RASEF: variants seen among roughly 807,000 people sequenced by gnomAD.
RASEF encodes ras and EF-hand domain-containing protein.
Under a neutral mutation model 90.1 loss-of-function variants are expected in RASEF, and 68 were observed. The ratio of observed to expected loss-of-function variants is 0.75; its 90% CI spans 0.62 to 0.92. The LOEUF is 0.92. RASEF is among the 40% of genes least tolerant of loss of function. The probability of loss-of-function intolerance (pLI) is 0.00; values close to 1 mark genes in which losing one functional copy is unlikely to be tolerated. For synonymous variants in RASEF, 331 were observed against 345.2 expected (o/e 0.96, Z 0.46); for missense variants, 949 against 937.2 (o/e 1.01, Z -0.16).
chr9:83,116,950 G>A, the RASEF span, among the ~76,000 whole-genome samples: 1 of 152,072 alleles, frequency 6.6e-6, no homozygotes, highest in Non-Finnish European at 1.5e-5. Context: ...AAAGTCTAAG[G>A]CATCAAACTA....
At chr9:83,083,588 T>C in the RASEF span, among the ~76,000 whole-genome samples, 4 of 152,052 alleles carry the variant, frequency 2.6e-5, no homozygotes, top group African/African-American at 7.2e-5. Flanking sequence ...AACCCACATA[T>C]AGACACACAC....
rs1053867314 is a variant in RASEF at position 82,982,611 on chromosome 9, C to T, written c.*66G>A. 3.5e-5 allele frequency: 32 copies of T among 920,422 alleles called. No individual in the cohort carries two copies. In the African/African-American group the frequency reaches 5.0e-4, roughly 15 times the overall value. The allele number at this position is 920,422 out of a possible 1,614,324, so 57.0% of individuals were successfully genotyped here. On this transcript the variant is annotated 3_prime_UTR_variant, in exon 17 of 17. Transcript: ENST00000376447. ...GTAGGATGTGCCACTCTGTTAAGAG[C>T]CAAATAAGTCACACAAATTCAGTAT... is the stretch of plus-strand genomic sequence containing the variant.
At chr9:83,112,853 A>G in the RASEF span, among the ~76,000 whole-genome samples, 5 of 152,264 alleles carry the variant, frequency 3.3e-5, no homozygotes, top group East Asian at 7.7e-4. Flanking sequence ...TAATTTCCAC[A>G]CATAGAGAAA....
chr9:82,979,746 T>C lies in RASEF; in HGVS notation c.*2931A>G, dbSNP rs1052815964. The C allele has an allele frequency of 1.3e-5, 2 of 152,140 alleles. No individual in the cohort carries two copies. The highest frequency in any genetic ancestry group is 4.8e-5 in the African/African-American group (2 of 41,424). The allele number at this position is 152,140 out of a possible 1,614,324, so 9.4% of individuals were successfully genotyped here. ...CGAAATATGGCCCACACAATGAAAA[T>C]GTAAACCATATAAATCAAAATCATA... is the stretch of plus-strand genomic sequence containing the variant. On this transcript the variant is annotated 3_prime_UTR_variant, in exon 17 of 17. Coordinates refer to ENST00000376447, the MANE Select transcript of RASEF (RefSeq NM_152573.4).
At chr9:83,146,651 T>G in the RASEF span, among the ~76,000 whole-genome samples, 1 of 152,204 alleles carries the variant, frequency 6.6e-6, no homozygotes, top group Non-Finnish European at 1.5e-5. Flanking sequence ...ACCGAAATTT[T>G]CAAACTAAAT....
chr9:83,122,265 C>T, the RASEF span, among the ~76,000 whole-genome samples: 6 of 152,210 alleles, frequency 3.9e-5, no homozygotes, highest in Admixed American at 3.3e-4. Flanking sequence ...TGCAGCTTTT[C>T]ACGTTCAACT....
At chr9:83,092,181 G>A in the RASEF span, among the ~76,000 whole-genome samples, 1 of 151,654 alleles carries the variant, frequency 6.6e-6, no homozygotes, top group Non-Finnish European at 1.5e-5. Context: ...CATTTTCACT[G>A]ACCAATCTTG....
At position 83,001,129 on chromosome 9, in the gene RASEF, A is replaced by C; in HGVS notation, c.1204T>G (p.Ser402Ala). 6.2e-7 allele frequency: 1 copy of C among 1,609,790 alleles called. No homozygotes were observed. Among genetic ancestry groups the C allele is most frequent in the Non-Finnish European group, 8.5e-7 (1 of 1,176,370 alleles). The part of the protein sequence containing the change: ...HSPQPLGYDR[S>A]SRSSYVDEDC... ...TCATCCACATAGGAAGAGCGGGATGACCTGGTAATAAAGGGGAAGACCAAT... is the reference window on the plus strand; with the variant it reads ...TCATCCACATAGGAAGAGCGGGATGCCCTGGTAATAAAGGGGAAGACCAAT... The change falls in exon 10 of 17, where the codon TCA becomes GCA. Residue 402 changes from serine (S) to alanine (A), a missense_variant and splice_region_variant. Ser to Ala is a moderately conservative substitution (Grantham distance 99, BLOSUM62 1). Coordinates refer to ENST00000376447, the MANE Select transcript of RASEF (RefSeq NM_152573.4).
rs1483481135 is a variant in RASEF at position 82,986,105 on chromosome 9, AAG to A, written c.2118-3325_2118-3324del. ...ATTAGACAGACAGAGAGTGAAAAGA[AAG>A]AGAGGACAGTCAGAGACCCTGAGAT... On this transcript the variant is annotated intron_variant, in intron 16 of 16. Transcript: ENST00000376447. Among the ~76,000 whole-genome samples the A allele has an allele frequency of 2.6e-5, 4 of 152,354 alleles. No homozygotes were observed. In the East Asian group the frequency reaches 7.7e-4, roughly 29 times the overall value.
chr9:83,165,588 G>A, the RASEF span, among the ~76,000 whole-genome samples: 1 of 151,990 alleles, frequency 6.6e-6, no homozygotes, highest in Non-Finnish European at 1.5e-5. Context: ...CCCATCTTAG[G>A]AAACCAGACA....
chr9:83,196,965 C>T, the RASEF span, among the ~76,000 whole-genome samples: 176 of 152,324 alleles, frequency 1.2e-3, no homozygotes, highest in African/African-American at 4.0e-3. Context: ...ACATATGGTT[C>T]CCTAAACAGA....
chr9:83,108,227 A>G, the RASEF span, among the ~76,000 whole-genome samples: 1 of 152,168 alleles, frequency 6.6e-6, no homozygotes, highest in African/African-American at 2.4e-5. Flanking sequence ...CCCCTTGTGA[A>G]TTATACCTCA....
At chr9:83,128,065 T>C in the RASEF span, among the ~76,000 whole-genome samples, 1 of 149,766 alleles carries the variant, frequency 6.7e-6, no homozygotes, top group Admixed American at 6.7e-5. Flanking sequence ...ATTTGAATGA[T>C]ATCCAACTTC....
At chr9:83,176,011 A>C in the RASEF span, among the ~76,000 whole-genome samples, 1 of 152,158 alleles carries the variant, frequency 6.6e-6, no homozygotes, top group Non-Finnish European at 1.5e-5. Flanking sequence ...TGTTCTATAG[A>C]TGTACGTTAG....
chr9:83,212,196 T>C, the RASEF span, among the ~76,000 whole-genome samples: 1 of 152,192 alleles, frequency 6.6e-6, no homozygotes, highest in Non-Finnish European at 1.5e-5. Flanking sequence ...AGAAGACAGA[T>C]AGGTTAAGTA....
intron 6 of RASEF, among the ~76,000 whole-genome samples, chr9:83,008,917 T>TATAC (rs1415130459): frequency 1.2e-4 from 15 of 127,466 alleles, no homozygotes; most frequent in African/African-American, 4.0e-4. Context: ...TATATATATA[T>TATAC]ATATATATAT....
At chr9:83,146,378 G>A in the RASEF span, among the ~76,000 whole-genome samples, 17 of 152,096 alleles carry the variant, frequency 1.1e-4, no homozygotes, top group South Asian at 3.1e-3. Context: ...ATGTTTCTCC[G>A]AATAAAAAAG....
the RASEF span, among the ~76,000 whole-genome samples, chr9:83,210,172 C>T: frequency 6.6e-6 from 1 of 152,134 alleles, no homozygotes; most frequent in Non-Finnish European, 1.5e-5. Context: ...AGCCCAGTGG[C>T]TTTTGCAATG....
In RASEF at chr9:83,010,063, C is replaced by G. The variant is rs569092587; in HGVS notation, c.844-307G>C. On this transcript the variant is annotated intron_variant, in intron 5 of 16. Coordinates refer to ENST00000376447, the MANE Select transcript of RASEF (RefSeq NM_152573.4). ...CACATTATTGGCAAATTAACTGACA[C>G]CAACCATTCGAATGCTTGCTTTATT... Among the ~76,000 whole-genome samples the G allele has an allele frequency of 9.9e-5, 15 of 152,256 alleles. No homozygotes were observed. In the East Asian group the frequency reaches 2.7e-3, roughly 27 times the overall value.
Sources: gnomAD v4.1 joint callset for allele counts (sites outside exome capture counted in the v4.1 genomes callset) on GRCh38, gnomAD v4.1.1 for gene constraint, MANE v1.5 for transcripts, NCBI Gene and HGNC (gene_info 2026-07-23, HGNC 2026-07-21) for gene names.